The following TNKS1BP1 variants were observed in gnomAD, a reference collection of about 807,000 sequenced individuals.
The protein encoded by TNKS1BP1 is CCR4-NOT transcription complex subunit 12.
TNKS1BP1 carries 48 observed loss-of-function variants against 141.1 expected under a neutral mutation model. That is an observed-to-expected ratio of 0.34 (90% CI 0.27 to 0.43). The LOEUF is 0.43. Ranked by LOEUF, TNKS1BP1 falls within the 20% of genes least tolerant of loss-of-function variation. The pLI is 1.00. For missense variants in TNKS1BP1, 2,149 were observed against 2,226.0 expected (o/e 0.97, Z 0.70); for synonymous variants, 875 against 898.2 (o/e 0.97, Z 0.46).
rs756039520 is a variant in TNKS1BP1 at position 57,302,487 on chromosome 11, G to A, written c.4655C>T (p.Ser1552Phe). ...AATGAAGGAGAAGTCCTGACTGGGGGATCTGGCAGGAGGGCCTTGGGAGGG... is the reference window on the plus strand; with the variant it reads ...AATGAAGGAGAAGTCCTGACTGGGGAATCTGGCAGGAGGGCCTTGGGAGGG... ...RRPSQGPPAR[S>F]PSQDFSFIED... Residue 1552 changes from serine (S) to phenylalanine (F), a missense_variant, in exon 7 of 12, where the codon TCC becomes TTC. Transcript: ENST00000358252. The surrounding 1 kb of genome is among the most constrained non-coding windows in gnomAD (Gnocchi z 5.5). 4.7e-5 allele frequency: 75 copies of A among 1,605,462 alleles called. No homozygotes were observed. The highest frequency in any genetic ancestry group is 6.0e-5 in the Non-Finnish European group (70 of 1,174,438).
At chr11:57,311,546 G>C in intron 5 of TNKS1BP1, 4 of 822,330 alleles carry the variant, frequency 4.9e-6, no homozygotes, top group Non-Finnish European at 5.9e-6. Context: ...AGCCAGTTGA[G>C]TCACCCACAT....
At chr11:57,321,767 G>A (rs1240520274) in intron 2 of TNKS1BP1, 25 bp downstream of exon 2, 3 of 1,479,538 alleles carry the variant, frequency 2.0e-6, no homozygotes, top group African/African-American at 2.9e-5. Flanking sequence ...CCAGCCACCT[G>A]GCTCCACCCT....
chr11:57,309,767 G>A lies in TNKS1BP1; in HGVS notation c.2944C>T (p.Leu982=), dbSNP rs767061902. The A allele has an allele frequency of 1.2e-6, 2 of 1,614,196 alleles. No individual in the cohort carries two copies. The highest frequency in any genetic ancestry group is 1.1e-5 in the South Asian group (1 of 91,076). The change falls in exon 6 of 12, where the codon CTG becomes TTG. Residue 982 remains leucine, a synonymous_variant. Transcript: ENST00000358252. This position sits in a 1 kb window ranked among gnomAD's most constrained non-coding sequence, Gnocchi z 4.3. ...AQDRSFGTRP[L]SSGFSPEEAQ... ...TCCTCGGGGCTGAACCCAGAGCTCAGGGGTCTCGTTCCAAAGCTTCTGTCC... is the reference window on the plus strand; with the variant it reads ...TCCTCGGGGCTGAACCCAGAGCTCAAGGGTCTCGTTCCAAAGCTTCTGTCC...
At chr11:57,300,196 A>G in intron 11 of TNKS1BP1, 115 bp from the exon 12 acceptor site, 1 of 264,924 alleles carries the variant, frequency 3.8e-6, no homozygotes, top group Non-Finnish European at 7.2e-6. Context: ...GAGCCTGGTA[A>G]GTGCCCACAG....
At position 57,320,344 on chromosome 11, in the gene TNKS1BP1, GCT is replaced by G; in HGVS notation, c.461_462del (p.Glu154AlafsTer36). ...TCTTCCACCGTGGTGGCCGCGAAGC[GCT>G]CTGAGGCTGGGCGGAAAGGGGCAGG... Reference protein sequence around the residue: ...KAPAPFRPASERFAATTVEEI... With the variant: ...KAPAPFRPASXRFAATTVEEI... On this transcript the variant is annotated frameshift_variant, in exon 3 of 12. Transcript: ENST00000358252. LOFTEE classifies it high-confidence loss of function. The G allele has an allele frequency of 6.2e-7, 1 of 1,614,152 alleles. No individual in the cohort carries two copies. The highest frequency in any genetic ancestry group is 8.5e-7 in the Non-Finnish European group (1 of 1,180,042).
In TNKS1BP1 at chr11:57,312,627, G is replaced by T. The variant is rs750769445; in HGVS notation, c.2061C>A (p.Asp687Glu). Reference sequence around the variant, plus strand: ...CACTGGGTGGTGGTGAAGCCAGGAGGTCGTCCAGCCAGCGGGAGCTGCTTT... The same window carrying T: ...CACTGGGTGGTGGTGAAGCCAGGAGTTCGTCCAGCCAGCGGGAGCTGCTTT... ...GPESSSRWLDDLLASPPPSGG... is the reference protein window; with the variant it reads ...GPESSSRWLDELLASPPPSGG... The change falls in exon 5 of 12, where the codon GAC (aspartate) becomes GAA (glutamate). Residue 687 changes from aspartate (D) to glutamate (E), a missense_variant. By Grantham distance (45) the Asp-to-Glu change is conservative. Coordinates refer to ENST00000358252, the MANE Select transcript of TNKS1BP1 (RefSeq NM_033396.3). The T allele has an allele frequency of 1.3e-6, 2 of 1,575,340 alleles. No individual in the cohort carries two copies. The highest frequency in any genetic ancestry group is 1.7e-6 in the Non-Finnish European group (2 of 1,161,920).
rs200307952 is a variant in TNKS1BP1 at position 57,313,597 on chromosome 11, G to A, written c.1091C>T (p.Ala364Val). The A allele has an allele frequency of 8.1e-6, 13 of 1,595,206 alleles. No homozygotes were observed. In the African/African-American group the frequency reaches 1.5e-4, roughly 18 times the overall value. The change falls in exon 5 of 12, where the codon GCC (alanine) becomes GTC (valine). Residue 364 changes from alanine to valine, a missense_variant. Transcript: ENST00000358252. ...PGLPAEGAPE[A>V]PRPSSPPPEV... Reference sequence around the variant, plus strand: ...AGGGGGTGGGCTGCTGGGTCTGGGGGCCTCTGGAGCCCCCTCGGCAGGGAG... The same window carrying A: ...AGGGGGTGGGCTGCTGGGTCTGGGGACCTCTGGAGCCCCCTCGGCAGGGAG...
At chr11:57,315,775 A>C in intron 4 of TNKS1BP1, among the ~76,000 whole-genome samples, 2 of 128,922 alleles carry the variant, frequency 1.6e-5, no homozygotes, top group African/African-American at 6.0e-5. Context: ...CACACACACC[A>C]CCTACTTCCT....
rs370817180 is a variant in TNKS1BP1, at chr11:57,320,523, C to T, written c.284G>A (p.Arg95His). 1.3e-5 allele frequency: 21 copies of T among 1,613,180 alleles called. No individual in the cohort carries two copies. Among genetic ancestry groups the T allele is most frequent in the South Asian group, 9.9e-5 (9 of 91,002 alleles). ...AGPQPYGGSK[R>H]PLPFAPRPAV... ...AGGCCTTGGTGCAAAGGGAAGGGGG[C>T]GCTTGCTGCCACCATAGGGCTGGGG... is the stretch of plus-strand genomic sequence containing the variant. Residue 95 changes from arginine (R) to histidine (H), a missense_variant, in exon 3 of 12, where the codon CGC becomes CAC. By Grantham distance (29) the Arg-to-His change is conservative (BLOSUM62 0). Transcript: ENST00000358252.
chr11:57,307,324 C>A (rs964088831), intron 6 of TNKS1BP1, among the ~76,000 whole-genome samples: 1 of 152,286 alleles, frequency 6.6e-6, no homozygotes, highest in Non-Finnish European at 1.5e-5. Context: ...CTCGTCCCTG[C>A]AGTCCTCAAT....
intron 5 of TNKS1BP1, among the ~76,000 whole-genome samples, chr11:57,311,723 C>T (rs1461860064): frequency 6.6e-6 from 1 of 152,246 alleles, no homozygotes; most frequent in Non-Finnish European, 1.5e-5. Context: ...ACCTGGCCCC[C>T]GGCCCTTAAA....
chr11:57,324,722 G>A, intron 1 of TNKS1BP1, 118 bp downstream of exon 1: 2 of 943,114 alleles, frequency 2.1e-6, no homozygotes, highest in Non-Finnish European at 2.5e-6. Flanking sequence ...GTGACCCCCC[G>A]ACCACCACCA....
intron 3 of TNKS1BP1, among the ~76,000 whole-genome samples, chr11:57,319,692 G>A (rs927962563): frequency 6.6e-6 from 1 of 151,312 alleles, no homozygotes; most frequent in African/African-American, 2.4e-5. Flanking sequence ...ACTTGAACCT[G>A]GGAGGCAGAG....
rs777704747 is a variant in TNKS1BP1 at position 57,309,361 on chromosome 11, G to A, written c.3350C>T (p.Ala1117Val). 3 of 1,614,114 alleles carry A rather than the reference G, an allele frequency of 1.9e-6. No individual in the cohort carries two copies. Among genetic ancestry groups the A allele is most frequent in the South Asian group, 1.1e-5 (1 of 91,078 alleles). The change falls in exon 6 of 12, where the codon GCC becomes GTC. Residue 1117 changes from alanine to valine, a missense_variant. Ala to Val is a moderately conservative substitution (Grantham distance 64). Coordinates refer to ENST00000358252, the MANE Select transcript of TNKS1BP1 (RefSeq NM_033396.3). The surrounding 1 kb of genome is among the most constrained non-coding windows in gnomAD (Gnocchi z 4.3). Reference protein sequence around the residue: ...QDWSRDFCIEASERSYQFGII... With the variant: ...QDWSRDFCIEVSERSYQFGII... ...GCCAAACTGATAGCTCCTCTCACTGGCCTCGATGCAGAAGTCCCGGCTCCA... is the reference window on the plus strand; with the variant it reads ...GCCAAACTGATAGCTCCTCTCACTGACCTCGATGCAGAAGTCCCGGCTCCA...
chr11:57,320,048 G>A (rs1410365768), intron 3 of TNKS1BP1, 31 bp downstream of exon 3: 1 of 1,584,244 alleles, frequency 6.3e-7, no homozygotes, highest in Non-Finnish European at 8.6e-7. Flanking sequence ...CCTCCAGGCT[G>A]CCACAAAATA....
intron 11 of TNKS1BP1, among the ~76,000 whole-genome samples, 163 bp downstream of exon 11, chr11:57,300,365 G>T (rs904394145): frequency 4.6e-5 from 7 of 152,210 alleles, no homozygotes; most frequent in Non-Finnish European, 8.8e-5. Context: ...AAAATCTAGA[G>T]AAGCCAAGGG....
Position 57,309,440 on chromosome 11 carries a change from T to C in TNKS1BP1, c.3271A>G (p.Ser1091Gly), listed in dbSNP as rs901952718. 2.5e-6 allele frequency: 4 copies of C among 1,613,960 alleles called. No homozygotes were observed. The African/African-American group carries it at 5.3e-5, about 22-fold the overall frequency. The part of the protein sequence containing the change: ...MGKRGWVGEF[S>G]LSVGPQREAA... ...TCTCGCTGGGGGCCAACACTGAGGC[T>C]AAACTCACCGACCCAGCCTCGCTTT... Residue 1091 changes from serine to glycine, a missense_variant, in exon 6 of 12, where the codon AGC becomes GGC. Coordinates refer to ENST00000358252, the MANE Select transcript of TNKS1BP1 (RefSeq NM_033396.3). This position sits in a 1 kb window ranked among gnomAD's most constrained non-coding sequence, Gnocchi z 4.3.
chr11:57,316,945 G>A (rs1164047353), intron 4 of TNKS1BP1, among the ~76,000 whole-genome samples: 2 of 152,118 alleles, frequency 1.3e-5, no homozygotes, highest in East Asian at 1.9e-4. Context: ...CCCCCAACCC[G>A]TTGGTCCTCA....
chr11:57,306,092 A>G (rs1855605302), intron 6 of TNKS1BP1, among the ~76,000 whole-genome samples: 1 of 152,142 alleles, frequency 6.6e-6, no homozygotes, highest in Admixed American at 6.5e-5. Context: ...AGCCTGGCCA[A>G]CATGGTGAAA....
Sources: allele counts gnomAD v4.1 joint callset (sites outside exome capture counted in the v4.1 genomes callset), GRCh38; gene constraint gnomAD v4.1.1; non-coding constraint Gnocchi (gnomAD v3.1); transcripts MANE v1.5; gene names NCBI Gene and HGNC (gene_info 2026-07-23, HGNC 2026-07-21).